CRACDL: variants seen among roughly 807,000 people sequenced by gnomAD.
The protein encoded by CRACDL is CRACD like.
In CRACDL, 26 loss-of-function variants were observed where a neutral mutation model predicts 70.6. The observed-to-expected ratio is 0.37, with a 90% CI of 0.27 to 0.51. CRACDL has a LOEUF of 0.51. Among genes scored for constraint, CRACDL ranks in the 20% least tolerant of loss-of-function variants. The pLI, the probability that CRACDL is intolerant of heterozygous loss-of-function variation, is 0.94. For missense variants in CRACDL, 1,283 were observed against 1,376.9 expected (o/e 0.93, Z 1.08); for synonymous variants, 618 against 615.2 (o/e 1.00, Z -0.07).
intron 7 of CRACDL, among the ~76,000 whole-genome samples, chr2:98,818,894 C>A (rs1704908896): frequency 6.6e-6 from 1 of 152,196 alleles, no homozygotes; most frequent in African/African-American, 2.4e-5. Context: ...AATACCACTG[C>A]CCCTGCCCCC....
intron 1 of CRACDL, chr2:98,869,401 A>G: frequency 3.2e-6 from 2 of 630,816 alleles, no homozygotes; most frequent in Non-Finnish European, 4.5e-6. Context: ...TCCGCCTTCC[A>G]CTCCAAGCCC....
chr2:98,845,200 C>CTT (rs34635348), intron 2 of CRACDL, among the ~76,000 whole-genome samples: 4,782 of 57,532 alleles, frequency 0.083, 173 homozygotes, highest in South Asian at 0.24. Flanking sequence ...TCTTCTTCTT[C>CTT]TTTTTTTTTT....
intron 1 of CRACDL, among the ~76,000 whole-genome samples, chr2:98,930,562 C>G (rs1709048580): frequency 6.6e-6 from 1 of 150,406 alleles, no homozygotes; most frequent in African/African-American, 2.5e-5. Flanking sequence ...CTGACCCCAC[C>G]CTATCCTACC....
rs1427431971 is a variant in CRACDL at position 98,836,327 on chromosome 2, C to G, written c.239+1792G>C. On this transcript the variant is annotated intron_variant, in intron 3 of 9. Transcript: ENST00000397899. ...AGTTGCCGCAGACTCTCCCACAGGC[C>G]AAGCAGTACTTGCCTCTTCCTCTGT... Among the ~76,000 whole-genome samples the G allele has an allele frequency of 5.9e-5, 9 of 152,278 alleles. 1 individual carries two copies. In the South Asian group the frequency reaches 1.9e-3, roughly 32 times the overall value.
rs58312556 is a variant in CRACDL, at chr2:98,918,539, C to CAAAAAAAAAAAA, written c.-11+17387_-11+17398dup. On this transcript the variant is annotated intron_variant, in intron 1 of 9. Coordinates refer to ENST00000397899, the MANE Select transcript of CRACDL (RefSeq NM_207362.3). ...GGCGACAGAGCAAGATGTTGTCTACCAAAAAAAAAAAAAAAAAAAAAAAAA... is the reference window on the plus strand; with the variant it reads ...GGCGACAGAGCAAGATGTTGTCTACCAAAAAAAAAAAAAAAAAAAAAAAAAAAAAAAAAAAAA... Among the ~76,000 whole-genome samples, 24 of 66,344 alleles carry CAAAAAAAAAAAA rather than the reference C, an allele frequency of 3.6e-4. 1 individual carries two copies. The highest frequency in any genetic ancestry group is 1.9e-3 in the East Asian group (3 of 1,596). The allele number at this position is 66,344 out of a possible 152,430, so 43.5% of individuals were successfully genotyped here.
At chr2:98,795,077 A>ATATTTTTT in intron 9 of CRACDL, among the ~76,000 whole-genome samples, 6 of 58,498 alleles carry the variant, frequency 1.0e-4, no homozygotes, top group East Asian at 1.2e-3. Flanking sequence ...ATATATATAT[A>ATATTTTTT]TTTTTTTTTT....
chr2:98,891,376 C>CAAAAAAAAAAAAAAAAAAAAAAAA lies in CRACDL; in HGVS notation c.-11+44538_-11+44561dup, dbSNP rs548988640. ...TGGGTGACAGAGGGAGACTCCGTCT[C>CAAAAAAAAAAAAAAAAAAAAAAAA]AAAAAAAAAAAAAAAAAAAAAAAAA... is the stretch of plus-strand genomic sequence containing the variant. On this transcript the variant is annotated intron_variant, in intron 1 of 9. Coordinates refer to ENST00000397899, the MANE Select transcript of CRACDL (RefSeq NM_207362.3). Among the ~76,000 whole-genome samples, 14 of 37,900 alleles carry CAAAAAAAAAAAAAAAAAAAAAAAA rather than the reference C, an allele frequency of 3.7e-4. 1 individual carries two copies. Among genetic ancestry groups the CAAAAAAAAAAAAAAAAAAAAAAAA allele is most frequent in the Non-Finnish European group, 5.1e-4 (10 of 19,454 alleles). 24.9% of individuals were successfully genotyped at this position (37,900 alleles called of 152,430 possible). A position where few individuals can be genotyped will look rare whatever the true frequency, so the allele number is the denominator to read the frequency against.
chr2:98,812,799 T>C (rs1559206675), intron 7 of CRACDL, among the ~76,000 whole-genome samples: 3 of 152,160 alleles, frequency 2.0e-5, no homozygotes, highest in African/African-American at 7.2e-5. Context: ...CTATCTTTTC[T>C]TGCAGTTTGT....
At position 98,900,212 on chromosome 2, in the gene CRACDL, T is replaced by A. The variant is rs542441238; in HGVS notation, c.-11+35726A>T. The stretch of plus-strand genomic sequence containing the variant: ...GGAGGGGAGGCAGGGGGACAGAGGC[T>A]CAGTGGGAGGGGAGGCAGGGGACAG... On this transcript the variant is annotated intron_variant, in intron 1 of 9. Transcript: ENST00000397899. Among the ~76,000 whole-genome samples, 11 of 103,096 alleles carry A rather than the reference T, an allele frequency of 1.1e-4. No individual in the cohort carries two copies. In the East Asian group the frequency reaches 3.5e-3, roughly 33 times the overall value. The allele number at this position is 103,096 out of a possible 152,430, so 67.6% of individuals were successfully genotyped here.
At chr2:98,825,839 A>G (rs1355980893) in intron 6 of CRACDL, among the ~76,000 whole-genome samples, 1 of 152,234 alleles carries the variant, frequency 6.6e-6, no homozygotes, top group African/African-American at 2.4e-5. Flanking sequence ...GCATGAGTTT[A>G]AAGAACACCT....
At chr2:98,816,574 G>T (rs539023400) in intron 7 of CRACDL, among the ~76,000 whole-genome samples, 41 of 152,302 alleles carry the variant, frequency 2.7e-4, no homozygotes, top group African/African-American at 9.9e-4. Flanking sequence ...GTGGCTGATT[G>T]CTGTGGCCCA....
intron 3 of CRACDL, among the ~76,000 whole-genome samples, chr2:98,833,530 G>A (rs1162427386): frequency 1.3e-5 from 2 of 152,204 alleles, no homozygotes; most frequent in African/African-American, 4.8e-5. Flanking sequence ...CAAAGCCATG[G>A]CCTCTTTTTA....
At position 98,877,297 on chromosome 2, in the gene CRACDL, G is replaced by A. The variant is rs80079009; in HGVS notation, c.-10-30487C>T. Among the ~76,000 whole-genome samples the A allele has an allele frequency of 8.8e-3, 1,340 of 152,276 alleles. 17 individuals are homozygous for A. Among genetic ancestry groups the A allele is most frequent in the African/African-American group, 0.025 (1,033 of 41,548 alleles). On this transcript the variant is annotated intron_variant, in intron 1 of 9. Transcript: ENST00000397899. ...CTGTGATCCAAGTGGTTTGGGCTCCGATATCTAACATTCTATTATGGTCAT... is the reference window on the plus strand; with the variant it reads ...CTGTGATCCAAGTGGTTTGGGCTCCAATATCTAACATTCTATTATGGTCAT...
chr2:98,897,407 A>C (rs1175580899), intron 1 of CRACDL: 5 of 1,303,872 alleles, frequency 3.8e-6, no homozygotes, highest in Non-Finnish European at 5.1e-6. Flanking sequence ...CAAAGAAATC[A>C]TCTCAGTCAC....
chr2:98,930,311 C>G (rs1402318364), intron 1 of CRACDL, among the ~76,000 whole-genome samples: 23 of 121,722 alleles, frequency 1.9e-4, no homozygotes, highest in Non-Finnish European at 7.0e-5. Context: ...GTACCGTGTC[C>G]CCTACCCCAT....
intron 7 of CRACDL, among the ~76,000 whole-genome samples, chr2:98,807,039 T>G (rs1412854287): frequency 6.6e-6 from 1 of 152,202 alleles, no homozygotes; most frequent in East Asian, 1.9e-4. Context: ...ATTCCATCTT[T>G]GTCTTCAGAG....
At chr2:98,880,579 G>C (rs1456931274) in intron 1 of CRACDL, among the ~76,000 whole-genome samples, 3 of 152,180 alleles carry the variant, frequency 2.0e-5, no homozygotes, top group Non-Finnish European at 2.9e-5. Flanking sequence ...GATGGAGTGT[G>C]TTTCTGAGCG....
At chr2:98,841,212 G>C (rs947903943) in intron 2 of CRACDL, among the ~76,000 whole-genome samples, 14 of 151,632 alleles carry the variant, frequency 9.2e-5, no homozygotes, top group Non-Finnish European at 1.6e-4. Context: ...TTAGAGTTTT[G>C]GTATCTAATC....
At chr2:98,866,089 T>C (rs1055216134) in intron 1 of CRACDL, among the ~76,000 whole-genome samples, 1 of 152,108 alleles carries the variant, frequency 6.6e-6, no homozygotes, top group Admixed American at 6.6e-5. Context: ...TGCTCTGACA[T>C]ATAAGAGAAA....
Sources: allele counts gnomAD v4.1 joint callset (sites outside exome capture counted in the v4.1 genomes callset), GRCh38; gene constraint gnomAD v4.1.1; transcripts MANE v1.5; gene names NCBI Gene and HGNC (gene_info 2026-07-23, HGNC 2026-07-21).